Variants in DENND2B observed in about 807,000 individuals in gnomAD.
DENND2B encodes the protein DENN domain-containing protein 2B.
A neutral mutation model predicts 116.0 loss-of-function variants in DENND2B; 32 were observed. The ratio of observed to expected loss-of-function variants is 0.28; its 90% CI spans 0.21 to 0.37. The LOEUF is 0.37. Among genes scored for constraint, DENND2B ranks in the 10% least tolerant of loss-of-function variants. The probability of loss-of-function intolerance (pLI) is 1.00; values close to 1 mark genes in which losing one functional copy is unlikely to be tolerated. For missense variants in DENND2B, 1,276 were observed against 1,477.7 expected (o/e 0.86, Z 2.24); for synonymous variants, 588 against 583.9 (o/e 1.01, Z -0.10).
intron 1 of DENND2B, among the ~76,000 whole-genome samples, chr11:8,901,229 C>CTTTTTTTTTTTT (rs1555223231): frequency 6.0e-5 from 5 of 83,920 alleles, no homozygotes; most frequent in African/African-American, 9.6e-5. Context: ...CTTTTCTTTT[C>CTTTTTTTTTTTT]TTTTTTTTTT....
At chr11:8,842,349 T>C (rs1276349507) in intron 3 of DENND2B, among the ~76,000 whole-genome samples, 1 of 152,198 alleles carries the variant, frequency 6.6e-6, no homozygotes, top group Non-Finnish European at 1.5e-5. Flanking sequence ...TCAATTTCTT[T>C]CCAGCCTCTC....
intron 1 of DENND2B, among the ~76,000 whole-genome samples, chr11:8,807,462 C>A (rs886343076): frequency 1.3e-5 from 2 of 152,190 alleles, no homozygotes; most frequent in Non-Finnish European, 2.9e-5. Context: ...AATCTGTACA[C>A]CCCGCCCTTC....
chr11:8,880,348 T>G (rs2653557), intron 2 of DENND2B, among the ~76,000 whole-genome samples: 3,609 of 48,986 alleles, frequency 0.074, 115 homozygotes, highest in East Asian at 0.24. Flanking sequence ...CTTTGAACTG[T>G]GTGTGTGTGT....
chr11:8,862,224 TA>T (rs1299260998), intron 2 of DENND2B, among the ~76,000 whole-genome samples: 1 of 151,488 alleles, frequency 6.6e-6, no homozygotes, highest in Non-Finnish European at 1.5e-5. Flanking sequence ...ATGAAACATT[TA>T]AAAATAAATA....
intron 2 of DENND2B, among the ~76,000 whole-genome samples, chr11:8,858,728 G>C (rs574867982): frequency 6.6e-6 from 1 of 152,218 alleles, no homozygotes; most frequent in Non-Finnish European, 1.5e-5. Context: ...GACCAGCTGA[G>C]GATGGCTATT....
At chr11:8,754,029 G>GCGCGCACACACA (rs146486674) in intron 1 of DENND2B, among the ~76,000 whole-genome samples, 15,178 of 138,668 alleles carry the variant, frequency 0.11, 910 homozygotes, top group South Asian at 0.14. Flanking sequence ...CCAAAAGCGC[G>GCGCGCACACACA]CACACACACA....
At chr11:8,766,792 G>T in intron 1 of DENND2B, 2 of 741,624 alleles carry the variant, frequency 2.7e-6, no homozygotes, top group Middle Eastern at 3.1e-4. Context: ...AGGTGGGGGT[G>T]CTGGGTTGGA....
intron 4 of DENND2B, chr11:8,718,819 C>CT: frequency 1.0e-6 from 1 of 1,002,042 alleles, no homozygotes; most frequent in Non-Finnish European, 1.2e-6. Flanking sequence ...AGTGGCACTC[C>CT]TTTCCACAAG....
chr11:8,741,398 G>A (rs562909781), intron 2 of DENND2B, among the ~76,000 whole-genome samples: 1 of 152,130 alleles, frequency 6.6e-6, no homozygotes, highest in Non-Finnish European at 1.5e-5. Context: ...CACTGCAGAA[G>A]CCCCCTCTGA....
chr11:8,730,392 GC>G lies in DENND2B; in HGVS notation c.897del (p.Leu300SerfsTer33). On this transcript the variant is annotated frameshift_variant, in exon 3 of 20. Coordinates refer to ENST00000313726, the MANE Select transcript of DENND2B (RefSeq NM_213618.2). LOFTEE classifies it high-confidence loss of function. The surrounding 1 kb of genome is among the most constrained non-coding windows in gnomAD (Gnocchi z 4.1). ...TAGCAGCTGCTGGGGAGCTGGGGGA[GC>G]CCCCGGCCCGGCTGCTCCTTCAGGA... is the stretch of plus-strand genomic sequence containing the variant. ...EQVLKEQPGR[G>X]LPQLPSSCYS... is the part of the protein sequence containing the mutation. The G allele has an allele frequency of 1.2e-6, 2 of 1,605,342 alleles. No individual in the cohort carries two copies.
At chr11:8,821,550 G>C (rs1036473441) in intron 4 of DENND2B, among the ~76,000 whole-genome samples, 7 of 150,540 alleles carry the variant, frequency 4.6e-5, no homozygotes, top group Admixed American at 2.0e-4. Context: ...CTGCACTCTA[G>C]CCCAGGAGAC....
At chr11:8,839,700 C>A (rs1012361398) in intron 3 of DENND2B, among the ~76,000 whole-genome samples, 1 of 152,132 alleles carries the variant, frequency 6.6e-6, no homozygotes, top group African/African-American at 2.4e-5. Flanking sequence ...GAGCTCTTAA[C>A]CTCAAAGGGT....
intron 1 of DENND2B, among the ~76,000 whole-genome samples, chr11:8,797,431 C>A (rs2059913430): frequency 1.4e-5 from 2 of 138,164 alleles, no homozygotes; most frequent in Admixed American, 7.2e-5. Flanking sequence ...TTCTTATCCC[C>A]TTCCCCCTTC....
chr11:8,750,922 G>A (rs945881898), intron 1 of DENND2B, among the ~76,000 whole-genome samples, 197 bp from the exon 2 acceptor site: 2 of 152,214 alleles, frequency 1.3e-5, no homozygotes, highest in African/African-American at 4.8e-5. Context: ...ATACGGAGGA[G>A]TGTGAGCTAA....
intron 2 of DENND2B, among the ~76,000 whole-genome samples, chr11:8,737,597 A>G (rs2049293911): frequency 6.6e-6 from 1 of 152,234 alleles, no homozygotes; most frequent in Non-Finnish European, 1.5e-5. Context: ...TTCCTAAAAA[A>G]GGAACAAAGA....
chr11:8,734,032 T>G (rs1047629499), intron 2 of DENND2B, among the ~76,000 whole-genome samples: 1 of 152,190 alleles, frequency 6.6e-6, no homozygotes, highest in African/African-American at 2.4e-5. Context: ...CAGAGGAACC[T>G]GCCTGTGCTG....
Position 8,810,497 on chromosome 11 carries a change from C to CA in DENND2B, c.-26+19dup, listed in dbSNP as rs1280611211. On this transcript the variant is annotated intron_variant, in intron 1 of 19. Coordinates refer to ENST00000313726, the MANE Select transcript of DENND2B (RefSeq NM_213618.2). ...GCCAGGAAAGGAGGCCAAATGATCCCAGCCCGGAGCTGCCCTTACCTGAAA... is the reference window on the plus strand; with the variant it reads ...GCCAGGAAAGGAGGCCAAATGATCCCAAGCCCGGAGCTGCCCTTACCTGAAA... The CA allele has an allele frequency of 2.0e-5, 3 of 152,304 alleles. No homozygotes were observed. Among genetic ancestry groups the CA allele is most frequent in the African/African-American group, 7.2e-5 (3 of 41,462 alleles). The allele number at this position is 152,304 out of a possible 1,614,324, so 9.4% of individuals were successfully genotyped here.
Position 8,712,719 on chromosome 11 carries a change from C to T in DENND2B, c.2004G>A (p.Leu668=), listed in dbSNP as rs2133807585. Reference sequence around the variant, plus strand: ...GCTTCAGCATCGACTGGATGTGGACCAGGCGCTGTGTGTGGGCTGGAGGCA... The same window carrying T: ...GCTTCAGCATCGACTGGATGTGGACTAGGCGCTGTGTGTGGGCTGGAGGCA... The part of the protein sequence containing the change: ...DDRFKAHTQR[L]VHIQSMLKRA... Residue 668 remains leucine (L), a synonymous_variant, in exon 9 of 20, where the codon CTG becomes CTA. Transcript: ENST00000313726. This position sits in a 1 kb window ranked among gnomAD's most constrained non-coding sequence, Gnocchi z 4.4. 3.1e-6 allele frequency: 5 copies of T among 1,612,196 alleles called. No homozygotes were observed. The highest frequency in any genetic ancestry group is 2.2e-5 in the South Asian group (2 of 90,604).
intron 1 of DENND2B, among the ~76,000 whole-genome samples, chr11:8,906,175 A>G (rs1408019168): frequency 6.6e-6 from 1 of 150,628 alleles, no homozygotes; most frequent in Non-Finnish European, 1.5e-5. Context: ...TCATATGTAC[A>G]TTATACCTCA....
Sources: gnomAD v4.1 joint callset for allele counts (sites outside exome capture counted in the v4.1 genomes callset) on GRCh38, gnomAD v4.1.1 for gene constraint, Gnocchi (gnomAD v3.1) non-coding constraint, MANE v1.5 for transcripts, NCBI Gene and HGNC (gene_info 2026-07-23, HGNC 2026-07-21) for gene names.